The following SNRNP200 variants were observed in gnomAD, a reference collection of about 807,000 sequenced individuals.
SNRNP200 encodes the protein U5 small nuclear ribonucleoprotein 200 kDa helicase.
SNRNP200 carries 66 observed loss-of-function variants against 255.2 expected under a neutral mutation model. The observed-to-expected ratio is 0.26, with a 90% CI of 0.21 to 0.32. SNRNP200 has a LOEUF of 0.32. Among genes scored for constraint, SNRNP200 ranks in the 10% least tolerant of loss-of-function variants. SNRNP200 has a pLI of 1.00. For missense variants in SNRNP200, 1,585 were observed against 2,749.8 expected, an observed-to-expected ratio of 0.58 and a Z score of 9.47; for synonymous variants, 939 against 1,027.8, an observed-to-expected ratio of 0.91 and a Z score of 1.65.
chr2:96,280,714 T>G (rs1391378606), intron 35 of SNRNP200, among the ~76,000 whole-genome samples: 1 of 149,246 alleles, frequency 6.7e-6, no homozygotes, highest in Non-Finnish European at 1.5e-5. Context: ...CACACCAGGC[T>G]AATTTTTGTA....
intron 9 of SNRNP200, among the ~76,000 whole-genome samples, 196 bp from the exon 10 acceptor site, chr2:96,297,916 T>C (rs2063928939): frequency 6.6e-6 from 1 of 152,216 alleles, no homozygotes; most frequent in Non-Finnish European, 1.5e-5. Context: ...CAATGCGCAG[T>C]ACAAGGATGC....
At chr2:96,276,153 T>TA (rs1265994616) in intron 43 of SNRNP200, among the ~76,000 whole-genome samples, 1 of 152,218 alleles carries the variant, frequency 6.6e-6, no homozygotes, top group Non-Finnish European at 1.5e-5. Context: ...TTGAAACAAT[T>TA]AGTTTACAGA....
In SNRNP200 at chr2:96,274,902, G is replaced by A; in HGVS notation, c.*110C>T. 3 of 1,287,492 alleles carry A rather than the reference G, an allele frequency of 2.3e-6. No individual in the cohort carries two copies. The highest frequency in any genetic ancestry group is 1.2e-5 in the South Asian group (1 of 84,060). 79.8% of individuals were successfully genotyped at this position (1,287,492 alleles called of 1,614,324 possible). On this transcript the variant is annotated 3_prime_UTR_variant, in exon 45 of 45. Coordinates refer to ENST00000323853, the MANE Select transcript of SNRNP200 (RefSeq NM_014014.5). ...GGCGGGGACAGCACCAGCCCTGGCT[G>A]GCCAGACCTGAGGCCCACAGACCTG...
At position 96,281,804 on chromosome 2, in the gene SNRNP200, T is replaced by G; in HGVS notation, c.5024+10A>C. On this transcript the variant is annotated intron_variant, in intron 35 of 44. Coordinates refer to ENST00000323853, the MANE Select transcript of SNRNP200 (RefSeq NM_014014.5). ...GGTCTGTGCTAACACAGAGCACCAG[T>G]TGTACTCACGCGTGGATCTTGCCAT... The G allele has an allele frequency of 1.3e-6, 2 of 1,591,678 alleles. No homozygotes were observed. Among genetic ancestry groups the G allele is most frequent in the Non-Finnish European group, 1.7e-6 (2 of 1,159,524 alleles).
chr2:96,303,036 C>T, intron 3 of SNRNP200, 123 bp downstream of exon 3: 1 of 1,043,782 alleles, frequency 9.6e-7, no homozygotes, highest in Non-Finnish European at 1.5e-6. Context: ...TGCTGCCAGC[C>T]ATCAGTCAAC....
intron 13 of SNRNP200, among the ~76,000 whole-genome samples, chr2:96,296,208 C>G (rs1292701673): frequency 6.6e-6 from 1 of 152,094 alleles, no homozygotes; most frequent in Admixed American, 6.6e-5. Context: ...TACAATACAC[C>G]ACTAGGTCTA....
Position 96,283,871 on chromosome 2 carries a change from G to A in SNRNP200, c.4526C>T (p.Thr1509Ile). Residue 1509 changes from threonine to isoleucine, a missense_variant, in exon 32 of 45, where the codon ACC (threonine) becomes ATC (isoleucine). Transcript: ENST00000323853. The surrounding 1 kb of genome is among the most constrained non-coding windows in gnomAD (Gnocchi z 4.7). The stretch of plus-strand genomic sequence containing the variant: ...ATTGGGATGGAAGTTGAAGGTGGAG[G>A]TGGCACTGCAGCCCAGCCAGTGGGC... ...DVAHWLGCSATSTFNFHPNVR... is the reference protein window; with the variant it reads ...DVAHWLGCSAISTFNFHPNVR... 6 of 1,595,872 alleles carry A rather than the reference G, an allele frequency of 3.8e-6. No homozygotes were observed. The highest frequency in any genetic ancestry group is 5.1e-6 in the Non-Finnish European group (6 of 1,171,182).
Position 96,295,456 on chromosome 2 carries a change from G to A in SNRNP200, c.1842+32C>T, listed in dbSNP as rs527605472. ...CAGCAAACCCGCCCTGACACAACTGGACTCTATATTCTACGACTGCTCCCA... is the reference window on the plus strand; with the variant it reads ...CAGCAAACCCGCCCTGACACAACTGAACTCTATATTCTACGACTGCTCCCA... On this transcript the variant is annotated intron_variant, in intron 14 of 44. Transcript: ENST00000323853. 3.3e-5 allele frequency: 54 copies of A among 1,612,002 alleles called. No individual in the cohort carries two copies. The East Asian group carries it at 9.8e-4, about 29-fold the overall frequency.
intron 21 of SNRNP200, 54 bp from the exon 22 acceptor site, chr2:96,289,433 T>C: frequency 6.3e-7 from 1 of 1,586,032 alleles, no homozygotes; most frequent in Non-Finnish European, 8.7e-7. Flanking sequence ...CTCCAACCTC[T>C]AACTGTGGAC....
At position 96,305,445 on chromosome 2, in the gene SNRNP200, G is replaced by A. The variant is rs752666833; in HGVS notation, c.-8C>T. On this transcript the variant is annotated 5_prime_UTR_variant, in exon 1 of 45. Coordinates refer to ENST00000323853, the MANE Select transcript of SNRNP200 (RefSeq NM_014014.5). ...GGCGGTTACATCCGCCATGGCCGCG[G>A]CTGCTCGGAGGCTTCAGACCACCAC... is the stretch of plus-strand genomic sequence containing the variant. 1 of 1,614,076 alleles carries A rather than the reference G, an allele frequency of 6.2e-7. No homozygotes were observed. Among genetic ancestry groups the A allele is most frequent in the Non-Finnish European group, 8.5e-7 (1 of 1,180,044 alleles).
chr2:96,289,060 T>A lies in SNRNP200; in HGVS notation c.3151A>T (p.Ser1051Cys). ...LERVPIPVKESIEEPSAKINV... is the reference protein window; with the variant it reads ...LERVPIPVKECIEEPSAKINV... ...ACCTTAGCACTGGGTTCCTCAATGC[T>A]CTCCTTTACAGGGATAGGCACCCTC... The change falls in exon 23 of 45, where the codon AGC becomes TGC. Residue 1051 changes from serine to cysteine, a missense_variant. By Grantham distance (112) the Ser-to-Cys change is moderately radical (BLOSUM62 -1). Around this residue, in one of 9 missense-constraint regions of SNRNP200, gnomAD observed 719 missense variants for 1,091.1 expected, o/e 0.66. Transcript: ENST00000323853. 6.2e-7 allele frequency: 1 copy of A among 1,612,686 alleles called. No individual in the cohort carries two copies. The highest frequency in any genetic ancestry group is 8.5e-7 in the Non-Finnish European group (1 of 1,179,460).
chr2:96,288,621 T>C (rs769199263), intron 24 of SNRNP200, 42 bp downstream of exon 24: 3 of 1,545,256 alleles, frequency 1.9e-6, no homozygotes, highest in South Asian at 2.2e-5. Context: ...GATTGAACTG[T>C]TCAGGCCCCT....
intron 21 of SNRNP200, among the ~76,000 whole-genome samples, 200 bp from the exon 22 acceptor site, chr2:96,289,579 ACAG>A (rs1441275642): frequency 6.6e-6 from 1 of 152,136 alleles, no homozygotes; most frequent in Non-Finnish European, 1.5e-5. Context: ...ATGAAGAAAA[ACAG>A]CAGAATAAGC....
At position 96,283,514 on chromosome 2, in the gene SNRNP200, C is replaced by T; in HGVS notation, c.4763+21G>A. ...CCTCACTTAACCTAACCCCAACCCC[C>T]AGACGCCAGGCCCCACCTACCTCTG... On this transcript the variant is annotated intron_variant, in intron 33 of 44. Coordinates refer to ENST00000323853, the MANE Select transcript of SNRNP200 (RefSeq NM_014014.5). This position sits in a 1 kb window ranked among gnomAD's most constrained non-coding sequence, Gnocchi z 4.7. The T allele has an allele frequency of 6.2e-7, 1 of 1,614,112 alleles. No homozygotes were observed. Among genetic ancestry groups the T allele is most frequent in the South Asian group, 1.1e-5 (1 of 91,074 alleles).
intron 14 of SNRNP200, among the ~76,000 whole-genome samples, chr2:96,293,975 C>A (rs2063900511): frequency 6.6e-6 from 1 of 152,134 alleles, no homozygotes; most frequent in South Asian, 2.1e-4. Context: ...AGATTGTATT[C>A]AGCAGGTGTG....
At position 96,283,450 on chromosome 2, in the gene SNRNP200, C is replaced by T. The variant is rs2063819327; in HGVS notation, c.4763+85G>A. The T allele has an allele frequency of 7.4e-6, 12 of 1,612,386 alleles. No individual in the cohort carries two copies. Among genetic ancestry groups the T allele is most frequent in the Non-Finnish European group, 1.0e-5 (12 of 1,178,830 alleles). ...CCTGGCCCCAAGCAACATGGGCTAACCCCACCCTCATAAAGAGGACACCCT... is the reference window on the plus strand; with the variant it reads ...CCTGGCCCCAAGCAACATGGGCTAATCCCACCCTCATAAAGAGGACACCCT... On this transcript the variant is annotated intron_variant, in intron 33 of 44. Transcript: ENST00000323853. The surrounding 1 kb of genome is among the most constrained non-coding windows in gnomAD (Gnocchi z 4.7).
At chr2:96,299,296 T>C in intron 6 of SNRNP200, 33 bp downstream of exon 6, 3 of 1,589,818 alleles carry the variant, frequency 1.9e-6, no homozygotes, top group Non-Finnish European at 2.6e-6. Context: ...AGAAGTAACC[T>C]TGTAGCAATG....
rs1450562816 is a variant in SNRNP200 at position 96,298,728 on chromosome 2, T to C, written c.883-26A>G. ...CTGCAGAGAGCAGGTAACACCACCATTAAGGCCAAAGCCATCTGCCACTTC... is the reference window on the plus strand; with the variant it reads ...CTGCAGAGAGCAGGTAACACCACCACTAAGGCCAAAGCCATCTGCCACTTC... On this transcript the variant is annotated intron_variant, in intron 7 of 44. Transcript: ENST00000323853. 2.5e-6 allele frequency: 4 copies of C among 1,613,866 alleles called. No individual in the cohort carries two copies. The African/African-American group carries it at 5.3e-5, about 22-fold the overall frequency.
intron 1 of SNRNP200, among the ~76,000 whole-genome samples, chr2:96,305,127 G>T (rs543267976): frequency 6.6e-6 from 1 of 152,298 alleles, no homozygotes; most frequent in Admixed American, 6.5e-5. Flanking sequence ...CCTGTGAAAA[G>T]TAGTGAGTGG....
Sources: gnomAD v4.1 joint callset for allele counts (sites outside exome capture counted in the v4.1 genomes callset) on GRCh38, gnomAD v4.1.1 for gene constraint, gnomAD v4.1.1 regional missense constraint, Gnocchi (gnomAD v3.1) non-coding constraint, MANE v1.5 for transcripts, NCBI Gene and HGNC (gene_info 2026-07-23, HGNC 2026-07-21) for gene names.